Variants in ATF6 observed in about 807,000 individuals in gnomAD.
ATF6 encodes the protein activating transcription factor 6.
In ATF6, 53 loss-of-function variants were observed where a neutral mutation model predicts 83.6. The observed-to-expected ratio is 0.63, with a 90% confidence interval of 0.51 to 0.80. ATF6 has a LOEUF of 0.80. ATF6 is among the 30% of genes least tolerant of loss of function. The pLI, the probability that ATF6 is intolerant of heterozygous loss-of-function variation, is 0.00. For synonymous variants in ATF6, 288 were observed against 285.8 expected, an observed-to-expected ratio of 1.01 and a Z score of -0.08; for missense variants, 744 against 797.9, an observed-to-expected ratio of 0.93 and a Z score of 0.81.
intron 15 of ATF6, among the ~76,000 whole-genome samples, chr1:161,922,135 CA>C (rs1466960319): frequency 6.6e-6 from 1 of 152,204 alleles, no homozygotes; most frequent in Non-Finnish European, 1.5e-5. Context: ...TTAATTCCTA[CA>C]ATTCACCCTG....
intron 15 of ATF6, among the ~76,000 whole-genome samples, chr1:161,938,187 C>G (rs1476124796): frequency 6.6e-6 from 1 of 152,160 alleles, no homozygotes; most frequent in East Asian, 1.9e-4. Context: ...CTTTCTTCAT[C>G]CCATGCACTA....
intron 14 of ATF6, among the ~76,000 whole-genome samples, chr1:161,871,601 C>T (rs1450781675): frequency 6.6e-6 from 1 of 151,374 alleles, no homozygotes; most frequent in Non-Finnish European, 1.5e-5. Context: ...AACTGCATTC[C>T]CAGAAAGAAC....
chr1:161,779,405 A>G (rs1413294557), intron 2 of ATF6, among the ~76,000 whole-genome samples: 1 of 152,202 alleles, frequency 6.6e-6, no homozygotes, highest in African/African-American at 2.4e-5. Context: ...TAGTTTTTCT[A>G]GTATGACATG....
chr1:161,908,507 A>G (rs1687921667), intron 14 of ATF6, among the ~76,000 whole-genome samples: 1 of 152,094 alleles, frequency 6.6e-6, no homozygotes, highest in African/African-American at 2.4e-5. Context: ...TCATGGTGAA[A>G]TGTTTTGATG....
intron 15 of ATF6, among the ~76,000 whole-genome samples, chr1:161,954,691 T>A (rs1020650095): frequency 6.6e-6 from 1 of 152,220 alleles, no homozygotes; most frequent in African/African-American, 2.4e-5. Context: ...ACCTCCAATG[T>A]CCAGACACTT....
intron 9 of ATF6, among the ~76,000 whole-genome samples, chr1:161,844,482 AG>A (rs914104773): frequency 1.3e-5 from 2 of 152,140 alleles, no homozygotes; most frequent in African/African-American, 4.8e-5. Flanking sequence ...AGTTAAAACA[AG>A]GGGAAACTCT....
chr1:161,798,163 A>G (rs1685064475), intron 6 of ATF6, among the ~76,000 whole-genome samples: 1 of 152,226 alleles, frequency 6.6e-6, no homozygotes, highest in Admixed American at 6.5e-5. Context: ...ACCCAACTCA[A>G]GATGGATGAA....
intron 9 of ATF6, among the ~76,000 whole-genome samples, chr1:161,829,983 G>A (rs1686010646): frequency 6.6e-6 from 1 of 152,120 alleles, no homozygotes; most frequent in African/African-American, 2.4e-5. Context: ...GAAATAAAGG[G>A]TATTCAATTA....
intron 14 of ATF6, among the ~76,000 whole-genome samples, chr1:161,868,518 C>T (rs1687058436): frequency 1.3e-5 from 2 of 152,036 alleles, no homozygotes; most frequent in South Asian, 4.1e-4. Context: ...CAGGAAATAT[C>T]GTATGCTTTT....
intron 14 of ATF6, among the ~76,000 whole-genome samples, chr1:161,896,093 C>A (rs1387716620): frequency 2.0e-5 from 3 of 152,198 alleles, no homozygotes; most frequent in African/African-American, 7.2e-5. Flanking sequence ...AAGCCAAATA[C>A]ATCCGTCTAT....
At chr1:161,887,813 G>A (rs1687459170) in intron 14 of ATF6, among the ~76,000 whole-genome samples, 1 of 152,180 alleles carries the variant, frequency 6.6e-6, no homozygotes, top group African/African-American at 2.4e-5. Context: ...AGAGTGGTGT[G>A]TCAGTTATTG....
chr1:161,854,470 A>T (rs1212193849), intron 12 of ATF6, among the ~76,000 whole-genome samples: 1 of 152,276 alleles, frequency 6.6e-6, no homozygotes, highest in Admixed American at 6.5e-5. Flanking sequence ...AACTACTGTT[A>T]GAAAGACTGG....
rs1467146088 is a variant in ATF6 at position 161,788,311 on chromosome 1, G to A, written c.355-3097G>A. ...TTTACTTTGTATTTCTTTGGTTATT[G>A]TTTTCAACATTTATTTACATTCTTA... is the stretch of plus-strand genomic sequence containing the variant. On this transcript the variant is annotated intron_variant, in intron 4 of 15. Transcript: ENST00000367942. 2.6e-5 allele frequency among the ~76,000 whole-genome samples: 4 copies of A among 151,978 alleles called. No homozygotes were observed. The East Asian group carries it at 7.7e-4, about 29-fold the overall frequency.
At chr1:161,831,510 G>A (rs1173111948) in intron 9 of ATF6, among the ~76,000 whole-genome samples, 1 of 152,018 alleles carries the variant, frequency 6.6e-6, no homozygotes, top group East Asian at 1.9e-4. Flanking sequence ...GTTTATTGTG[G>A]CACTATTCAC....
chr1:161,799,891 T>C (rs892253418), intron 6 of ATF6, among the ~76,000 whole-genome samples: 3 of 152,208 alleles, frequency 2.0e-5, no homozygotes, highest in Non-Finnish European at 4.4e-5. Flanking sequence ...TCCTTTGAAA[T>C]ATTGAGCTGA....
chr1:161,776,888 T>C (rs2340823), intron 1 of ATF6, among the ~76,000 whole-genome samples: 18,491 of 152,058 alleles, frequency 0.12, 1,675 homozygotes, highest in East Asian at 0.31. Flanking sequence ...GTAAGATAGA[T>C]AGAAACGTTT....
At position 161,824,512 on chromosome 1, in the gene ATF6, G is replaced by A. The variant is rs564932629; in HGVS notation, c.1187+3351G>A. Among the ~76,000 whole-genome samples the A allele has an allele frequency of 2.3e-3, 353 of 151,646 alleles. 2 individuals are homozygous for A. Among genetic ancestry groups the A allele is most frequent in the Non-Finnish European group, 3.9e-3 (268 of 67,974 alleles). Reference sequence around the variant, plus strand: ...CTTTCTTTCTTCATTTTTCTACATAGCACCTCTCCCCTTCAAGTATGCTAT... The same window carrying A: ...CTTTCTTTCTTCATTTTTCTACATAACACCTCTCCCCTTCAAGTATGCTAT... On this transcript the variant is annotated intron_variant, in intron 9 of 15. Transcript: ENST00000367942.
intron 1 of ATF6, among the ~76,000 whole-genome samples, chr1:161,769,816 T>G (rs1487344521): frequency 6.6e-6 from 1 of 152,086 alleles, no homozygotes; most frequent in Non-Finnish European, 1.5e-5. Flanking sequence ...TATGAGAATC[T>G]AATGCTGCTG....
chr1:161,921,709 T>G (rs1245908137), intron 15 of ATF6, among the ~76,000 whole-genome samples: 1 of 152,222 alleles, frequency 6.6e-6, no homozygotes, highest in Non-Finnish European at 1.5e-5. Flanking sequence ...TGTGTATCTC[T>G]TGTAACAGAT....
Sources: allele counts gnomAD v4.1 joint callset (sites outside exome capture counted in the v4.1 genomes callset), GRCh38; gene constraint gnomAD v4.1.1; transcripts MANE v1.5; gene names NCBI Gene and HGNC (gene_info 2026-07-23, HGNC 2026-07-21).